TCF4: variants seen among roughly 807,000 people sequenced by gnomAD.
The protein encoded by TCF4 is transcription factor 4.
TCF4 carries 3 observed loss-of-function variants against 82.1 expected under a neutral mutation model. The ratio of observed to expected loss-of-function variants is 0.04; its 90% CI spans 0.02 to 0.09. The LOEUF (loss-of-function observed/expected upper bound fraction) is 0.09, where lower values mean the gene tolerates loss of function less well. Among genes scored for constraint, TCF4 ranks in the 10% least tolerant of loss-of-function variants. TCF4 has a pLI of 1.00. For missense variants in TCF4, 518 were observed against 852.7 expected (o/e 0.61, Z 4.89); for synonymous variants, 276 against 309.6 (o/e 0.89, Z 1.14).
chr18:55,347,279 T>G (rs1353772851), intron 8 of TCF4, among the ~76,000 whole-genome samples: 1 of 151,988 alleles, frequency 6.6e-6, no homozygotes, highest in East Asian at 1.9e-4. Context: ...AAAAATGTAC[T>G]GCAGTAATAA....
rs1184672453 is a variant in TCF4 at position 55,261,518 on chromosome 18, C to T, written c.938G>A (p.Gly313Glu). 1 of 1,613,914 alleles carries T rather than the reference C, an allele frequency of 6.2e-7. No homozygotes were observed. Among genetic ancestry groups the T allele is most frequent in the East Asian group, 2.2e-5 (1 of 44,868 alleles). Residue 313 changes from glycine (G) to glutamate (E), a missense_variant, in exon 12 of 20, where the codon GGG (glycine) becomes GAG (glutamate). Transcript: ENST00000354452. ...TDSIMANRGS[G>E]AAGSSQTGDA... ...TCCAGTCTGGGAGCTGCCGGCTGCC[C>T]CGCTTCCTCTATTTGCTGCAAAAAC...
At chr18:55,399,548 T>C (rs1381388587) in intron 6 of TCF4, among the ~76,000 whole-genome samples, 1 of 152,208 alleles carries the variant, frequency 6.6e-6, no homozygotes, top group Non-Finnish European at 1.5e-5. Flanking sequence ...TATAAAGATT[T>C]GAAGATTTTC....
intron 3 of TCF4, among the ~76,000 whole-genome samples, chr18:55,570,886 C>A (rs1042428296): frequency 2.1e-5 from 3 of 141,446 alleles, no homozygotes; most frequent in Non-Finnish European, 3.0e-5. Context: ...TGAGACCCTG[C>A]CTCAAAAAAA....
At chr18:55,529,834 T>C (rs767523199) in intron 3 of TCF4, among the ~76,000 whole-genome samples, 21 of 152,150 alleles carry the variant, frequency 1.4e-4, no homozygotes, top group Non-Finnish European at 3.1e-4. Context: ...ATTTTAAATA[T>C]CTAGAACATT....
chr18:55,458,802 AT>A (rs892781788), intron 5 of TCF4, among the ~76,000 whole-genome samples: 6 of 152,246 alleles, frequency 3.9e-5, no homozygotes, highest in Non-Finnish European at 5.9e-5. Flanking sequence ...AATGTAAGGT[AT>A]TTCATACTTG....
chr18:55,272,655 G>T (rs919862095), intron 10 of TCF4, among the ~76,000 whole-genome samples: 1 of 152,040 alleles, frequency 6.6e-6, no homozygotes, highest in Admixed American at 6.6e-5. Flanking sequence ...GTTTGGGCAG[G>T]ATTTCACAAC....
chr18:55,588,000 C>G, intron 1 of TCF4, 38 bp downstream of exon 1: 1 of 980,380 alleles, frequency 1.0e-6, no homozygotes, highest in Non-Finnish European at 1.2e-6. Context: ...CCGCCGGGCG[C>G]CTCCGCCCCG....
chr18:55,496,052 T>C (rs1273459413), intron 3 of TCF4: 1 of 152,150 alleles, frequency 6.6e-6, no homozygotes, highest in Middle Eastern at 3.2e-3. Flanking sequence ...TCCTAGTGTA[T>C]AGCCACAAGC....
chr18:55,361,013 C>A (rs1323750969), intron 6 of TCF4, among the ~76,000 whole-genome samples: 1 of 152,142 alleles, frequency 6.6e-6, no homozygotes. Flanking sequence ...GCCTGAGCCA[C>A]CACACCTGGC....
chr18:55,402,647 T>C (rs2093891494), intron 6 of TCF4, among the ~76,000 whole-genome samples: 1 of 152,164 alleles, frequency 6.6e-6, no homozygotes, highest in Non-Finnish European at 1.5e-5. Context: ...AAAAAGATTT[T>C]AAATACATGA....
chr18:55,308,548 T>G (rs2071166306), intron 8 of TCF4, among the ~76,000 whole-genome samples: 1 of 152,226 alleles, frequency 6.6e-6, no homozygotes, highest in South Asian at 2.1e-4. Flanking sequence ...GACACATTCA[T>G]TAGGCTGCAT....
At chr18:55,351,092 C>A in intron 6 of TCF4, 89 bp from the exon 7 acceptor site, 1 of 1,528,970 alleles carries the variant, frequency 6.5e-7, no homozygotes, top group Non-Finnish European at 9.0e-7. Context: ...TAAACCAATG[C>A]AATAAAGCAA....
chr18:55,313,839 A>C (rs1428474702), intron 8 of TCF4, among the ~76,000 whole-genome samples: 1 of 152,184 alleles, frequency 6.6e-6, no homozygotes, highest in East Asian at 1.9e-4. Flanking sequence ...AATGTTTTCA[A>C]GGTCTCCTAA....
intron 8 of TCF4, among the ~76,000 whole-genome samples, chr18:55,296,234 G>C (rs2066469207): frequency 6.6e-6 from 1 of 151,988 alleles, no homozygotes; most frequent in Non-Finnish European, 1.5e-5. Context: ...AACAGATACA[G>C]GATTTCATCC....
intron 8 of TCF4, among the ~76,000 whole-genome samples, chr18:55,303,034 C>G (rs2068822176): frequency 6.6e-6 from 1 of 152,168 alleles, no homozygotes; most frequent in East Asian, 1.9e-4. Context: ...TAATGGACTT[C>G]CTTAACTCTT....
intron 6 of TCF4, among the ~76,000 whole-genome samples, chr18:55,397,427 T>A (rs1306979554): frequency 2.0e-5 from 3 of 152,138 alleles, no homozygotes; most frequent in Admixed American, 1.3e-4. Context: ...AAAGTCACTA[T>A]CATTCAAACA....
At chr18:55,583,860 A>G (rs1248700913) in intron 3 of TCF4, among the ~76,000 whole-genome samples, 5 of 152,130 alleles carry the variant, frequency 3.3e-5, no homozygotes, top group Admixed American at 2.6e-4. Flanking sequence ...AATATTTTCC[A>G]TCTTAAAAGT....
chr18:55,480,828 G>T lies in TCF4; in HGVS notation c.146-16691C>A, dbSNP rs113584484. ...CCAGGCGTGGTGGCTTATGGGCCGG[G>T]TGCAGTGGCTCACGCCTGTAATCCC... On this transcript the variant is annotated intron_variant, in intron 3 of 19. Coordinates refer to ENST00000354452, the MANE Select transcript of TCF4 (RefSeq NM_001083962.2). 4.9e-4 allele frequency among the ~76,000 whole-genome samples: 75 copies of T among 152,320 alleles called. 1 individual carries two copies. Among genetic ancestry groups the T allele is most frequent in the African/African-American group, 1.8e-3 (74 of 41,570 alleles).
rs978997723 is a variant in TCF4 at position 55,626,363 on chromosome 18, C to T, written c.286+4935G>A. Among the ~76,000 whole-genome samples, 21 of 152,128 alleles carry T rather than the reference C, an allele frequency of 1.4e-4. No homozygotes were observed. The South Asian group carries it at 2.1e-3, about 15-fold the overall frequency. Reference sequence around the variant, plus strand: ...AGCTAAATTTATCTAGAAACAATCTCGCCTTCATTTCTTGTCTGTGAATAC... The same window carrying T: ...AGCTAAATTTATCTAGAAACAATCTTGCCTTCATTTCTTGTCTGTGAATAC... On this transcript the variant is annotated intron_variant, in intron 2 of 20. Coordinates refer to the TCF4 transcript ENST00000398339.
Sources: gnomAD v4.1 joint callset for allele counts (sites outside exome capture counted in the v4.1 genomes callset) on GRCh38, gnomAD v4.1.1 for gene constraint, MANE v1.5 for transcripts, NCBI Gene and HGNC (gene_info 2026-07-23, HGNC 2026-07-21) for gene names.